The following STARD9 variants were observed in gnomAD, a reference collection of about 807,000 sequenced individuals.
STARD9 encodes the protein stAR-related lipid transfer protein 9.
A neutral mutation model predicts 399.8 loss-of-function variants in STARD9; 346 were observed. The ratio of observed to expected loss-of-function variants is 0.87; its 90% CI spans 0.79 to 0.95. The LOEUF (loss-of-function observed/expected upper bound fraction) is 0.95, where lower values mean the gene tolerates loss of function less well. Ranked by LOEUF, STARD9 falls within the 40% of genes least tolerant of loss-of-function variation. The pLI is 0.00. For missense variants in STARD9, 5,832 were observed against 5,667.5 expected (o/e 1.03, Z -0.93); for synonymous variants, 2,203 against 2,143.5 (o/e 1.03, Z -0.77).
At chr15:42,587,965 G>A (rs1392317870) in intron 3 of STARD9, among the ~76,000 whole-genome samples, 1 of 152,122 alleles carries the variant, frequency 6.6e-6, no homozygotes, top group Non-Finnish European at 1.5e-5. Context: ...AACCAGCAAA[G>A]TAACTAACTT....
intron 26 of STARD9, among the ~76,000 whole-genome samples, chr15:42,703,317 C>G (rs1405312030): frequency 1.3e-5 from 2 of 151,784 alleles, no homozygotes; most frequent in African/African-American, 4.8e-5. Flanking sequence ...TCATTCTGCA[C>G]TCCCTCTTGA....
chr15:42,576,193 G>A, intron 1 of STARD9, among the ~76,000 whole-genome samples: 1 of 152,310 alleles, frequency 6.6e-6, no homozygotes, highest in East Asian at 1.9e-4. Context: ...CGAAGATGTG[G>A]AGAAAGCAGA....
intron 1 of STARD9, 150 bp from the exon 2 acceptor site, chr15:42,583,196 G>C (rs886326788): frequency 3.4e-6 from 2 of 588,480 alleles, no homozygotes; most frequent in Non-Finnish European, 3.0e-6. Context: ...GGGACTGCTT[G>C]ATGCGACGCT....
In STARD9 at chr15:42,686,974, C is replaced by T; in HGVS notation, c.5396C>T (p.Pro1799Leu). Residue 1799 changes from proline to leucine, a missense_variant, in exon 23 of 33, where the codon CCA (proline) becomes CTA (leucine). Physicochemically the swap from Pro to Leu is moderately conservative, Grantham distance 98. Around this residue, in one of 2 missense-constraint regions of STARD9, gnomAD observed 5,828 missense variants for 5,651.1 expected, o/e 1.03. Coordinates refer to ENST00000290607, the MANE Select transcript of STARD9 (RefSeq NM_020759.3). The stretch of plus-strand genomic sequence containing the variant: ...GGTGCTTATTTGAAGAATAATTTGC[C>T]AGTGCTGTTACAAAACCAGAATTCT... The part of the protein sequence containing the change: ...LQGAYLKNNL[P>L]VLLQNQNSKI... 1 of 1,536,602 alleles carries T rather than the reference C, an allele frequency of 6.5e-7. No homozygotes were observed. Among genetic ancestry groups the T allele is most frequent in the Non-Finnish European group, 8.7e-7 (1 of 1,146,716 alleles).
chr15:42,662,965 G>A (rs2060019117), intron 11 of STARD9, 74 bp downstream of exon 11: 9 of 1,127,486 alleles, frequency 8.0e-6, no homozygotes, highest in Admixed American at 6.1e-5. Context: ...TGTCGCAATA[G>A]GGTAGACACA....
intron 10 of STARD9, among the ~76,000 whole-genome samples, chr15:42,661,434 C>T (rs2059991565): frequency 6.6e-6 from 1 of 152,086 alleles, no homozygotes. Context: ...TACATTAAAT[C>T]ACCTGAGGAC....
chr15:42,662,693 T>C, intron 10 of STARD9, 101 bp from the exon 11 acceptor site: 1 of 702,492 alleles, frequency 1.4e-6, no homozygotes, highest in Non-Finnish European at 2.3e-6. Flanking sequence ...GTGAGTCCTT[T>C]ACAGCATGAT....
At chr15:42,695,680 G>T (rs1329648512) in intron 25 of STARD9, 63 bp from the exon 26 acceptor site, 5 of 1,500,158 alleles carry the variant, frequency 3.3e-6, no homozygotes, top group Non-Finnish European at 4.4e-6. Flanking sequence ...GGTAGGAAAA[G>T]GCGTGGCCTG....
intron 1 of STARD9, chr15:42,581,202 T>C: frequency 1.3e-6 from 1 of 778,220 alleles, no homozygotes. Flanking sequence ...GTTCAAATTA[T>C]TGACTTCTAC....
chr15:42,665,397 C>T, intron 14 of STARD9, 67 bp downstream of exon 14: 1 of 1,324,352 alleles, frequency 7.6e-7, no homozygotes, highest in Non-Finnish European at 1.0e-6. Flanking sequence ...TTTTCTTCTC[C>T]ATAGAGTCTG....
chr15:42,589,128 G>A (rs2058345054), intron 3 of STARD9, among the ~76,000 whole-genome samples: 1 of 152,006 alleles, frequency 6.6e-6, no homozygotes, highest in African/African-American at 2.4e-5. Flanking sequence ...CACAGCATTA[G>A]TGATCAAATT....
chr15:42,606,307 T>A (rs1187960842), intron 3 of STARD9, among the ~76,000 whole-genome samples: 3 of 152,190 alleles, frequency 2.0e-5, no homozygotes, highest in African/African-American at 7.2e-5. Flanking sequence ...ATACTTGGAG[T>A]ATGACATGAA....
intron 26 of STARD9, among the ~76,000 whole-genome samples, chr15:42,701,455 C>A (rs578013549): frequency 6.6e-6 from 1 of 152,122 alleles, no homozygotes; most frequent in Non-Finnish European, 1.5e-5. Flanking sequence ...AGATCTTTCA[C>A]CTCTTTGGTT....
chr15:42,669,144 C>G lies in STARD9; in HGVS notation c.1318-14C>G. 1 of 1,525,610 alleles carries G rather than the reference C, an allele frequency of 6.6e-7. No individual in the cohort carries two copies. Among genetic ancestry groups the G allele is most frequent in the Non-Finnish European group, 8.8e-7 (1 of 1,137,422 alleles). The allele number at this position is 1,525,610 out of a possible 1,614,324, so 94.5% of individuals were successfully genotyped here. On this transcript the variant is annotated splice_polypyrimidine_tract_variant and intron_variant, in intron 15 of 32. Transcript: ENST00000290607. The stretch of plus-strand genomic sequence containing the variant: ...CATGCTGAGTGTCTCAGATCACCTC[C>G]TATACCTCTGCAGATAGACCAGCTG...
chr15:42,581,042 C>CT, intron 1 of STARD9: 2 of 510,122 alleles, frequency 3.9e-6, no homozygotes, highest in East Asian at 8.8e-5. Context: ...CCTCTTCTGT[C>CT]TTTTCACTGT....
rs1407845997 is a variant in STARD9, at chr15:42,691,480, A to G, written c.9902A>G (p.Asn3301Ser). The G allele has an allele frequency of 3.3e-6, 5 of 1,537,166 alleles. No homozygotes were observed. The Admixed American group carries it at 5.9e-5, about 18-fold the overall frequency. Residue 3301 changes from asparagine to serine, a missense_variant, in exon 23 of 33, where the codon AAC becomes AGC. Asn to Ser is a conservative substitution (Grantham distance 46). Transcript: ENST00000290607. ...ACTGGCAGAGAGCAGCCAGCACCCAACCACAGGGGCTCACTTCCTGTGACT... is the reference window on the plus strand; with the variant it reads ...ACTGGCAGAGAGCAGCCAGCACCCAGCCACAGGGGCTCACTTCCTGTGACT... ...LYTGREQPAP[N>S]HRGSLPVTTI...
chr15:42,583,489 G>A (rs1201511460), intron 2 of STARD9, 74 bp downstream of exon 2: 1 of 1,098,982 alleles, frequency 9.1e-7, no homozygotes. Context: ...CAGGCTGAAG[G>A]TGTATATGTG....
Position 42,718,833 on chromosome 15 carries a change from A to C in STARD9, c.13924A>C (p.Ile4642Leu). The C allele has an allele frequency of 6.5e-7, 1 of 1,537,184 alleles. No individual in the cohort carries two copies. Among genetic ancestry groups the C allele is most frequent in the Non-Finnish European group, 8.7e-7 (1 of 1,146,890 alleles). The part of the protein sequence containing the change: ...RPSRKMVRGE[I>L]LPSAWILQPI... Reference sequence around the variant, plus strand: ...CAGCAGAAAAATGGTTCGCGGGGAGATCCTGCCCAGTGCCTGGATCTTGCA... The same window carrying C: ...CAGCAGAAAAATGGTTCGCGGGGAGCTCCTGCCCAGTGCCTGGATCTTGCA... The change falls in exon 32 of 33, where the codon ATC (isoleucine) becomes CTC (leucine). Residue 4642 changes from isoleucine to leucine, a missense_variant. Coordinates refer to ENST00000290607, the MANE Select transcript of STARD9 (RefSeq NM_020759.3).
In STARD9 at chr15:42,682,573, C is replaced by G; in HGVS notation, c.2535C>G (p.His845Gln). 2 of 1,530,234 alleles carry G rather than the reference C, an allele frequency of 1.3e-6. No homozygotes were observed. The highest frequency in any genetic ancestry group is 8.8e-7 in the Non-Finnish European group (1 of 1,142,378). The allele number at this position is 1,530,234 out of a possible 1,614,324, so 94.8% of individuals were successfully genotyped here. The change falls in exon 22 of 33, where the codon CAC becomes CAG. Residue 845 changes from histidine to glutamine, a missense_variant and splice_region_variant. By Grantham distance (24) the His-to-Gln change is conservative (BLOSUM62 0). Around this residue, in one of 2 missense-constraint regions of STARD9, gnomAD observed 5,828 missense variants for 5,651.1 expected, o/e 1.03. Transcript: ENST00000290607. ...RLCSKHMPQLHSIFLSWDPST... is the reference protein window; with the variant it reads ...RLCSKHMPQLQSIFLSWDPST... Reference sequence around the variant, plus strand: ...GCAGCAAGCACATGCCCCAGCTACACAGGTACAGCCAGTAGTTGTCACTGG... The same window carrying G: ...GCAGCAAGCACATGCCCCAGCTACAGAGGTACAGCCAGTAGTTGTCACTGG...
Sources: allele counts gnomAD v4.1 joint callset (sites outside exome capture counted in the v4.1 genomes callset), GRCh38; gene constraint gnomAD v4.1.1; regional missense constraint gnomAD v4.1.1; transcripts MANE v1.5; gene names NCBI Gene and HGNC (gene_info 2026-07-23, HGNC 2026-07-21).